ALDH1A3: variants seen among roughly 807,000 people sequenced by gnomAD.
ALDH1A3 encodes aldehyde dehydrogenase 1 family member A3.
ALDH1A3 carries 28 observed loss-of-function variants against 57.5 expected under a neutral mutation model. The observed-to-expected ratio is 0.49, with a 90% CI of 0.36 to 0.67. ALDH1A3 has a LOEUF of 0.67. Among genes scored for constraint, ALDH1A3 ranks in the 30% least tolerant of loss-of-function variants. The probability of loss-of-function intolerance (pLI) is 0.00; values close to 1 mark genes in which losing one functional copy is unlikely to be tolerated. For synonymous variants in ALDH1A3, 281 were observed against 264.8 expected (o/e 1.06, Z -0.59); for missense variants, 507 against 669.4 (o/e 0.76, Z 2.68).
intron 3 of ALDH1A3, among the ~76,000 whole-genome samples, chr15:100,891,368 A>G (rs575033768): frequency 6.6e-6 from 1 of 152,360 alleles, no homozygotes; most frequent in Admixed American, 6.5e-5. Context: ...TTCCTGAAGC[A>G]AAGGGGAGCT....
In ALDH1A3 at chr15:100,898,194, C is replaced by T. The variant is rs897657655; in HGVS notation, c.883+9C>T. ...GTGTGCGGACGCTGACTGTGAGTCTCTGCCCTCCTGGGCTTTGCTGGGGCT... is the reference window on the plus strand; with the variant it reads ...GTGTGCGGACGCTGACTGTGAGTCTTTGCCCTCCTGGGCTTTGCTGGGGCT... On this transcript the variant is annotated intron_variant, in intron 8 of 12. Transcript: ENST00000329841. The T allele has an allele frequency of 1.2e-6, 2 of 1,612,350 alleles. No individual in the cohort carries two copies. Among genetic ancestry groups the T allele is most frequent in the African/African-American group, 2.7e-5 (2 of 74,918 alleles).
intron 12 of ALDH1A3, chr15:100,914,341 C>G (rs2041910042): frequency 5.9e-6 from 1 of 169,426 alleles, no homozygotes; most frequent in Admixed American, 6.1e-5. Context: ...CTCCCTCGTT[C>G]ACAGACACCC....
At chr15:100,897,266 C>T (rs2041714425) in intron 7 of ALDH1A3, among the ~76,000 whole-genome samples, 1 of 152,226 alleles carries the variant, frequency 6.6e-6, no homozygotes, top group Non-Finnish European at 1.5e-5. Flanking sequence ...GTCTCAGACC[C>T]GGAAGAGCCT....
intron 12 of ALDH1A3, chr15:100,913,387 TC>T (rs1047106894): frequency 2.0e-5 from 3 of 152,244 alleles, no homozygotes; most frequent in African/African-American, 7.2e-5. Context: ...AGAATCTACT[TC>T]CTTGCCTTTT....
intron 8 of ALDH1A3, 29 bp from the exon 9 acceptor site, chr15:100,900,546 G>T: frequency 1.3e-6 from 2 of 1,552,970 alleles, no homozygotes; most frequent in South Asian, 1.2e-5. Context: ...CTCTCGCTCT[G>T]CCCGCCTCCC....
In ALDH1A3 at chr15:100,908,414, C is replaced by T. The variant is rs2041847825; in HGVS notation, c.1398C>T (p.Asn466=). The change falls in exon 12 of 13, where the codon AAC becomes AAT. Residue 466 remains asparagine (N), a synonymous_variant. Transcript: ENST00000329841. ...TTCTTCCATTCTTTTCTAGGATCAA[C>T]TGCTACAACGCCCTCTATGCACAGG... ...SALESGTVWI[N]CYNALYAQAP... is the part of the protein sequence containing the mutation. The T allele has an allele frequency of 6.2e-7, 1 of 1,613,856 alleles. No homozygotes were observed. The highest frequency in any genetic ancestry group is 1.7e-5 in the Admixed American group (1 of 60,014).
chr15:100,898,120 A>G lies in ALDH1A3; in HGVS notation c.818A>G (p.Asn273Ser), dbSNP rs765639453. 11 of 1,613,992 alleles carry G rather than the reference A, an allele frequency of 6.8e-6. No homozygotes were observed. The highest frequency in any genetic ancestry group is 1.3e-5 in the African/African-American group (1 of 74,938). Residue 273 changes from asparagine to serine, a missense_variant, in exon 8 of 13, where the codon AAT becomes AGT. Around this residue, in one of 2 missense-constraint regions of ALDH1A3, gnomAD observed 432 missense variants for 608.4 expected, o/e 0.71. Coordinates refer to ENST00000329841, the MANE Select transcript of ALDH1A3 (RefSeq NM_000693.4). Reference protein sequence around the residue: ...KLVKEAASRSNLKRVTLELGG... With the variant: ...KLVKEAASRSSLKRVTLELGG... The stretch of plus-strand genomic sequence containing the variant: ...GTTAAAGAAGCTGCGTCCCGGAGCA[A>G]TCTGAAGCGGGTGACGCTGGAGCTG...
chr15:100,895,903 T>A (rs2041697738), intron 6 of ALDH1A3, 30 bp from the exon 7 acceptor site: 1 of 1,562,744 alleles, frequency 6.4e-7, no homozygotes, highest in East Asian at 2.3e-5. Flanking sequence ...AGTCCGTTCT[T>A]CTTCAAGTGC....
intron 12 of ALDH1A3, among the ~76,000 whole-genome samples, chr15:100,910,019 G>T (rs4646688): frequency 0.56 from 85,481 of 152,060 alleles, 24,230 homozygotes; most frequent in South Asian, 0.72. Context: ...TGGGGCCTTT[G>T]TGTGGCTCTC....
chr15:100,912,311 C>T (rs1780262695), intron 12 of ALDH1A3, among the ~76,000 whole-genome samples: 1 of 152,216 alleles, frequency 6.6e-6, no homozygotes, highest in Non-Finnish European at 1.5e-5. Flanking sequence ...GCACCATTTT[C>T]ACACTTATTG....
intron 1 of ALDH1A3, among the ~76,000 whole-genome samples, chr15:100,884,287 C>G (rs1290654669): frequency 2.6e-5 from 4 of 152,314 alleles, no homozygotes; most frequent in East Asian, 1.9e-4. Flanking sequence ...ATTAATAAGA[C>G]AATTAGAACT....
chr15:100,883,689 G>C (rs1279195431), intron 1 of ALDH1A3, among the ~76,000 whole-genome samples: 1 of 151,838 alleles, frequency 6.6e-6, no homozygotes, highest in Non-Finnish European at 1.5e-5. Context: ...TTAAGTTCTG[G>C]GGTACATGTG....
intron 1 of ALDH1A3, among the ~76,000 whole-genome samples, chr15:100,881,890 C>T (rs1388984747): frequency 6.6e-6 from 1 of 152,172 alleles, no homozygotes; most frequent in Admixed American, 6.5e-5. Flanking sequence ...AGTTGTGGAC[C>T]CAGGCAGCTT....
rs28408085 is a variant in ALDH1A3, at chr15:100,884,349, A to G, written c.100-918A>G. Among the ~76,000 whole-genome samples the G allele has an allele frequency of 1.5e-3, 226 of 152,292 alleles. 1 individual carries two copies. Among genetic ancestry groups the G allele is most frequent in the African/African-American group, 5.0e-3 (207 of 41,550 alleles). On this transcript the variant is annotated intron_variant, in intron 1 of 12. Coordinates refer to ENST00000329841, the MANE Select transcript of ALDH1A3 (RefSeq NM_000693.4). ...ATATGTTTCAGTGCATGGACTTCGT[A>G]TGTTCTTCTTAGTCTGCTCATGATG...
rs142377552 is a variant in ALDH1A3 at position 100,898,145 on chromosome 15, G to A, written c.843G>A (p.Leu281=). Reference sequence around the variant, plus strand: ...ATCTGAAGCGGGTGACGCTGGAGCTGGGGGGGAAGAACCCCTGCATCGTGT... The same window carrying A: ...ATCTGAAGCGGGTGACGCTGGAGCTAGGGGGGAAGAACCCCTGCATCGTGT... ...RSNLKRVTLE[L]GGKNPCIVCA... is the part of the protein sequence containing the mutation. The change falls in exon 8 of 13, where the codon CTG becomes CTA. Residue 281 remains leucine (L), a synonymous_variant. Transcript: ENST00000329841. The A allele has an allele frequency of 1.4e-5, 22 of 1,612,948 alleles. No homozygotes were observed. Among genetic ancestry groups the A allele is most frequent in the Non-Finnish European group, 1.9e-5 (22 of 1,179,284 alleles).
At chr15:100,901,855 C>T (rs1346556912) in intron 9 of ALDH1A3, among the ~76,000 whole-genome samples, 2 of 152,132 alleles carry the variant, frequency 1.3e-5, no homozygotes, top group Admixed American at 6.5e-5. Context: ...GCATTTCTGG[C>T]CATCAGTGCC....
intron 1 of ALDH1A3, chr15:100,881,552 A>G (rs2041548129): frequency 6.6e-6 from 1 of 152,214 alleles, no homozygotes; most frequent in African/African-American, 2.4e-5. Flanking sequence ...ACCACATACA[A>G]AAAGTTTACC....
Position 100,889,922 on chromosome 15 carries a change from T to G in ALDH1A3, c.345+2210T>G, listed in dbSNP as rs1315829355. Among the ~76,000 whole-genome samples, 2 of 152,224 alleles carry G rather than the reference T, an allele frequency of 1.3e-5. No homozygotes were observed. Among genetic ancestry groups the G allele is most frequent in the African/African-American group, 4.8e-5 (2 of 41,452 alleles). On this transcript the variant is annotated intron_variant, in intron 3 of 12. Transcript: ENST00000329841. The surrounding 1 kb of genome is among the most constrained non-coding windows in gnomAD (Gnocchi z 5.1). Reference sequence around the variant, plus strand: ...CATCACAGGAGAGCGCCCCTTGCTCTCCACCTCGATATGGTTTCCGTGCAT... The same window carrying G: ...CATCACAGGAGAGCGCCCCTTGCTCGCCACCTCGATATGGTTTCCGTGCAT...
At chr15:100,908,111 A>G (rs1256810942) in intron 11 of ALDH1A3, among the ~76,000 whole-genome samples, 1 of 151,862 alleles carries the variant, frequency 6.6e-6, no homozygotes, top group Non-Finnish European at 1.5e-5. Flanking sequence ...AGCCTCCCGA[A>G]GTGCTGGGAT....
Sources: gnomAD v4.1 joint callset for allele counts (sites outside exome capture counted in the v4.1 genomes callset) on GRCh38, gnomAD v4.1.1 for gene constraint, gnomAD v4.1.1 regional missense constraint, Gnocchi (gnomAD v3.1) non-coding constraint, MANE v1.5 for transcripts, NCBI Gene and HGNC (gene_info 2026-07-23, HGNC 2026-07-21) for gene names.